Variants in CSMD3 observed in about 807,000 individuals in gnomAD.
CSMD3 encodes the protein CUB and Sushi multiple domains 3.
A neutral mutation model predicts 435.2 loss-of-function variants in CSMD3; 177 were observed. That is an observed-to-expected ratio of 0.41 (90% CI 0.36 to 0.46). The LOEUF (loss-of-function observed/expected upper bound fraction) is 0.46. Ranked by LOEUF, CSMD3 falls within the 20% of genes least tolerant of loss-of-function variation. The pLI, the probability that CSMD3 is intolerant of heterozygous loss-of-function variation, is 0.34. For synonymous variants in CSMD3, 1,656 were observed against 1,520.5 expected (o/e 1.09, Z -2.07); for missense variants, 4,265 against 4,504.6 (o/e 0.95, Z 1.52).
intron 4 of CSMD3, among the ~76,000 whole-genome samples, chr8:113,147,070 A>G (rs1223915092): frequency 2.0e-5 from 3 of 151,676 alleles, no homozygotes; most frequent in Non-Finnish European, 4.4e-5. Context: ...TATATATTTT[A>G]TGGCCTTAGC....
At chr8:112,674,785 A>T (rs1371279088) in intron 16 of CSMD3, among the ~76,000 whole-genome samples, 3 of 152,126 alleles carry the variant, frequency 2.0e-5, no homozygotes, top group Non-Finnish European at 4.4e-5. Flanking sequence ...AAACATCTCC[A>T]TTCTCTAAGA....
At chr8:112,430,164 C>A (rs1253992776) in intron 32 of CSMD3, among the ~76,000 whole-genome samples, 1 of 151,978 alleles carries the variant, frequency 6.6e-6, no homozygotes, top group Middle Eastern at 3.2e-3. Context: ...CGTCTACAAC[C>A]AGTTTTCTAA....
At chr8:112,696,662 TG>T (rs2076263648) in intron 13 of CSMD3, among the ~76,000 whole-genome samples, 2 of 152,134 alleles carry the variant, frequency 1.3e-5, no homozygotes, top group African/African-American at 4.8e-5. Flanking sequence ...GACATAGGCA[TG>T]GGCAAGGACT....
At chr8:112,479,649 A>T (rs1819435870) in intron 31 of CSMD3, among the ~76,000 whole-genome samples, 1 of 152,198 alleles carries the variant, frequency 6.6e-6, no homozygotes, top group South Asian at 2.1e-4. Context: ...CTCAGGCCAC[A>T]GCTCTGTAAA....
chr8:113,234,404 C>T (rs1214752284), intron 3 of CSMD3, among the ~76,000 whole-genome samples: 9 of 152,074 alleles, frequency 5.9e-5, no homozygotes, highest in South Asian at 2.1e-4. Context: ...TTTAGAAGCC[C>T]AGACTTAACC....
intron 5 of CSMD3, among the ~76,000 whole-genome samples, chr8:113,032,765 A>G (rs1300366062): frequency 2.6e-5 from 4 of 151,478 alleles, no homozygotes; most frequent in African/African-American, 9.7e-5. Flanking sequence ...CAATGGGGAA[A>G]ATGTCTCCAG....
At chr8:113,215,060 C>T (rs1047015379) in intron 3 of CSMD3, among the ~76,000 whole-genome samples, 1 of 151,742 alleles carries the variant, frequency 6.6e-6, no homozygotes, top group South Asian at 2.1e-4. Context: ...TACAGAGCCA[C>T]ATATAGAGAG....
At chr8:113,427,425 T>G (rs927030490) in intron 1 of CSMD3, among the ~76,000 whole-genome samples, 3 of 151,070 alleles carry the variant, frequency 2.0e-5, no homozygotes, top group Non-Finnish European at 4.5e-5. Flanking sequence ...GATCAGGATT[T>G]TGGGGTAGGC....
intron 36 of CSMD3, among the ~76,000 whole-genome samples, chr8:112,385,719 G>T (rs1829882409): frequency 6.6e-6 from 1 of 152,226 alleles, no homozygotes; most frequent in Non-Finnish European, 1.5e-5. Flanking sequence ...TTTGAATAGG[G>T]GAGGAAGTGA....
intron 35 of CSMD3, among the ~76,000 whole-genome samples, chr8:112,405,214 C>CATATATATATATATATATATAT (rs71309768): frequency 2.6e-4 from 5 of 19,066 alleles, no homozygotes; most frequent in Non-Finnish European, 4.0e-4. Context: ...AAAAAACCCC[C>CATATATATATATATATATATAT]ATATATATAT....
chr8:112,772,107 T>C (rs1014627895), intron 13 of CSMD3, among the ~76,000 whole-genome samples: 1 of 151,692 alleles, frequency 6.6e-6, no homozygotes, highest in Admixed American at 6.6e-5. Flanking sequence ...GAAATAAAGA[T>C]AAATTATAAG....
intron 1 of CSMD3, among the ~76,000 whole-genome samples, chr8:113,394,217 G>A (rs570809804): frequency 6.6e-6 from 1 of 151,158 alleles, no homozygotes; most frequent in Non-Finnish European, 1.5e-5. Context: ...AAACATACTT[G>A]GGAAATTCTG....
At chr8:113,014,075 C>A (rs1587887892) in intron 6 of CSMD3, among the ~76,000 whole-genome samples, 2 of 152,076 alleles carry the variant, frequency 1.3e-5, no homozygotes, top group Admixed American at 6.6e-5. Context: ...GAGAGGATGG[C>A]ATGGGTCATC....
chr8:112,872,418 C>T (rs758202255), intron 10 of CSMD3, among the ~76,000 whole-genome samples: 2 of 151,820 alleles, frequency 1.3e-5, no homozygotes, highest in Non-Finnish European at 1.5e-5. Context: ...AAAAAAGATG[C>T]TGTCGAAAGG....
chr8:112,670,309 TGA>T (rs2075626735), intron 16 of CSMD3, among the ~76,000 whole-genome samples: 1 of 152,052 alleles, frequency 6.6e-6, no homozygotes, highest in Non-Finnish European at 1.5e-5. Flanking sequence ...AAAGAAGTGA[TGA>T]GAGAAAATTA....
chr8:113,253,574 G>A (rs888980309), intron 3 of CSMD3, among the ~76,000 whole-genome samples: 2 of 151,834 alleles, frequency 1.3e-5, no homozygotes, highest in Non-Finnish European at 2.9e-5. Flanking sequence ...GGGCGTGGTG[G>A]CTCACGCTTG....
chr8:113,020,023 C>G (rs1422787990), intron 5 of CSMD3, among the ~76,000 whole-genome samples: 2 of 150,092 alleles, frequency 1.3e-5, no homozygotes, highest in East Asian at 3.9e-4. Context: ...ATTAGCCGGG[C>G]GCGGTGGCGG....
Position 112,845,952 on chromosome 8 carries a change from A to G in CSMD3, c.1755+13193T>C, listed in dbSNP as rs182870171. ...GATAAGGTCACTAGCAAAAGCCTGGAAACGTAGGGGGAAATTCAGGAAAAC... is the reference window on the plus strand; with the variant it reads ...GATAAGGTCACTAGCAAAAGCCTGGGAACGTAGGGGGAAATTCAGGAAAAC... On this transcript the variant is annotated intron_variant, in intron 11 of 70. Coordinates refer to ENST00000297405, the MANE Select transcript of CSMD3 (RefSeq NM_198123.2). Among the ~76,000 whole-genome samples the G allele has an allele frequency of 3.5e-3, 525 of 152,094 alleles. 4 individuals are homozygous for G. The highest frequency in any genetic ancestry group is 0.011 in the African/African-American group (454 of 41,514).
chr8:112,253,212 T>C (rs1327588355), intron 63 of CSMD3, among the ~76,000 whole-genome samples: 1 of 151,930 alleles, frequency 6.6e-6, no homozygotes, highest in Non-Finnish European at 1.5e-5. Context: ...TGAGGACTAG[T>C]GCTGTGCAGC....
Sources: gnomAD v4.1 joint callset for allele counts (sites outside exome capture counted in the v4.1 genomes callset) on GRCh38, gnomAD v4.1.1 for gene constraint, MANE v1.5 for transcripts, NCBI Gene and HGNC (gene_info 2026-07-23, HGNC 2026-07-21) for gene names.